POMT2: variants seen among roughly 807,000 people sequenced by gnomAD.
POMT2 encodes protein O-mannosyl-transferase 2.
Under a neutral mutation model 100.0 loss-of-function variants are expected in POMT2, and 75 were observed. The observed-to-expected ratio is 0.75, with a 90% confidence interval of 0.62 to 0.91. The LOEUF (loss-of-function observed/expected upper bound fraction) is 0.91. POMT2 is among the 40% of genes least tolerant of loss of function. The pLI, the probability that POMT2 is intolerant of heterozygous loss-of-function variation, is 0.00. For synonymous variants in POMT2, 378 were observed against 374.1 expected (o/e 1.01, Z -0.12); for missense variants, 940 against 955.1 (o/e 0.98, Z 0.21).
chr14:77,278,853 C>T lies in POMT2; in HGVS notation c.1908G>A (p.Leu636=). ...PAEVAGLSQV[L]LRGGGQVLLG... ...GCAGGACCTGGCCGCCTCCTCGAAG[C>T]AGGACCTGGGACAACCCTGGGCCCA... The change falls in exon 19 of 21, where the codon CTG becomes CTA. Residue 636 remains leucine, a synonymous_variant. Coordinates refer to ENST00000261534, the MANE Select transcript of POMT2 (RefSeq NM_013382.7). 1 of 1,613,290 alleles carries T rather than the reference C, an allele frequency of 6.2e-7. No homozygotes were observed. The highest frequency in any genetic ancestry group is 8.5e-7 in the Non-Finnish European group (1 of 1,179,788).
In POMT2 at chr14:77,311,988, G is replaced by C; in HGVS notation, c.294C>G (p.Asn98Lys). The C allele has an allele frequency of 6.2e-7, 1 of 1,614,048 alleles. No individual in the cohort carries two copies. The highest frequency in any genetic ancestry group is 8.5e-7 in the Non-Finnish European group (1 of 1,179,998). ...HFGKMGSYYINRTFFFDVHPP... is the reference protein window; with the variant it reads ...HFGKMGSYYIKRTFFFDVHPP... The stretch of plus-strand genomic sequence containing the variant: ...GGTGCACATCAAAGAAAAATGTACG[G>C]TTGATATAGTAACTTCCCATTTTTC... Residue 98 changes from asparagine (N) to lysine (K), a missense_variant, in exon 2 of 21, where the codon AAC becomes AAG. By Grantham distance (94) the Asn-to-Lys change is moderately conservative. Coordinates refer to ENST00000261534, the MANE Select transcript of POMT2 (RefSeq NM_013382.7).
intron 1 of POMT2, among the ~76,000 whole-genome samples, chr14:77,313,233 C>G (rs1353530110): frequency 6.6e-6 from 1 of 152,224 alleles, no homozygotes. Context: ...CATGCTTTAC[C>G]TAAGAATCTA....
chr14:77,302,789 T>C (rs762251607), intron 5 of POMT2, 46 bp downstream of exon 5: 3 of 1,529,414 alleles, frequency 2.0e-6, no homozygotes, highest in Non-Finnish European at 2.7e-6. Flanking sequence ...AATTTTGGAG[T>C]TGCCACAGCT....
chr14:77,295,726 G>A (rs536594084), intron 9 of POMT2, among the ~76,000 whole-genome samples: 5 of 151,540 alleles, frequency 3.3e-5, no homozygotes, highest in South Asian at 2.1e-4. Context: ...TTCACACCCC[G>A]ATCATCTAGT....
intron 2 of POMT2, among the ~76,000 whole-genome samples, chr14:77,308,034 GT>G (rs922566760): frequency 3.0e-4 from 46 of 151,292 alleles, no homozygotes; most frequent in African/African-American, 1.1e-3. Flanking sequence ...GCTAATTTTT[GT>G]ATTTTTAGTA....
At chr14:77,286,263 T>C (rs747399778) in intron 12 of POMT2, among the ~76,000 whole-genome samples, 7 of 152,224 alleles carry the variant, frequency 4.6e-5, no homozygotes, top group East Asian at 1.9e-4. Flanking sequence ...TAAGTACTCA[T>C]AGAGCTTTTA....
At chr14:77,289,156 C>G (rs974795758) in intron 10 of POMT2, among the ~76,000 whole-genome samples, 6 of 151,796 alleles carry the variant, frequency 4.0e-5, no homozygotes, top group Admixed American at 2.6e-4. Context: ...TTTGGGAGAC[C>G]GAGGCGGGCA....
chr14:77,312,385 C>T (rs1332437673), intron 1 of POMT2: 2 of 244,188 alleles, frequency 8.2e-6, no homozygotes, highest in Non-Finnish European at 1.6e-5. Flanking sequence ...TTCTTCTGGC[C>T]GGGTACGGTG....
In POMT2 at chr14:77,283,865, T is replaced by C. The variant is rs772296094; in HGVS notation, c.1585A>G (p.Ile529Val). The C allele has an allele frequency of 6.2e-7, 1 of 1,611,476 alleles. No individual in the cohort carries two copies. The highest frequency in any genetic ancestry group is 1.1e-5 in the South Asian group (1 of 91,044). ...CTGGGCTGTAGCACATCCAGGCTGA[T>C]GTTTGGCACTAGGGGAAAAAAATGC... Reference protein sequence around the residue: ...EDHINPKLPNISLDVLQPSFP... With the variant: ...EDHINPKLPNVSLDVLQPSFP... The change falls in exon 15 of 21, where the codon ATC becomes GTC. Residue 529 changes from isoleucine to valine, a missense_variant. Ile to Val is a conservative substitution (Grantham distance 29). Transcript: ENST00000261534.
At chr14:77,288,491 T>A (rs1890520283) in intron 11 of POMT2, among the ~76,000 whole-genome samples, 1 of 151,964 alleles carries the variant, frequency 6.6e-6, no homozygotes, top group Non-Finnish European at 1.5e-5. Flanking sequence ...GGTAACATAG[T>A]GAGACTCTGT....
chr14:77,300,724 G>A (rs1043255935), intron 6 of POMT2: 23 of 282,764 alleles, frequency 8.1e-5, no homozygotes, highest in African/African-American at 4.7e-4. Flanking sequence ...GGAGGCTGAG[G>A]CAAAAGAATC....
intron 2 of POMT2, 47 bp downstream of exon 2, chr14:77,311,902 G>A (rs1188577261): frequency 1.2e-6 from 2 of 1,609,972 alleles, no homozygotes; most frequent in African/African-American, 1.3e-5. Flanking sequence ...CAGCCCTTAG[G>A]AACAATCCTC....
intron 3 of POMT2, among the ~76,000 whole-genome samples, chr14:77,305,982 C>T (rs942650211): frequency 3.3e-5 from 5 of 152,198 alleles, no homozygotes; most frequent in African/African-American, 1.2e-4. Context: ...GAGCAGGCAG[C>T]GTGCCAGTGC....
At chr14:77,282,781 G>A (rs368487339) in intron 15 of POMT2, among the ~76,000 whole-genome samples, 8 of 152,200 alleles carry the variant, frequency 5.3e-5, no homozygotes, top group Non-Finnish European at 1.0e-4. Context: ...TATGTACTGA[G>A]TACTGCTTAC....
chr14:77,302,839 C>A lies in POMT2; in HGVS notation c.652G>T (p.Asp218Tyr), dbSNP rs140785104. 1 of 1,610,286 alleles carries A rather than the reference C, an allele frequency of 6.2e-7. No individual in the cohort carries two copies. The highest frequency in any genetic ancestry group is 2.2e-5 in the East Asian group (1 of 44,856). ...CCCGGGGATGGAGTTTCTGACCTGT[C>A]GGCGCAAGAGTTGTACTTGACCATG... ...LSMVKYNSCA[D>Y]RPFSAPWWFW... is the part of the protein sequence containing the mutation. Residue 218 changes from aspartate to tyrosine, a missense_variant, in exon 5 of 21, where the codon GAC (aspartate) becomes TAC (tyrosine). Transcript: ENST00000261534.
intron 12 of POMT2, 57 bp from the exon 13 acceptor site, chr14:77,285,689 G>A (rs572434683): frequency 1.7e-5 from 26 of 1,566,006 alleles, no homozygotes; most frequent in East Asian, 1.3e-4. Context: ...TAGAGAAAAC[G>A]TGTCAGAAAG....
In POMT2 at chr14:77,285,735, G is replaced by A. The variant is rs193142719; in HGVS notation, c.1333-103C>T. 14 of 1,350,630 alleles carry A rather than the reference G, an allele frequency of 1.0e-5. No individual in the cohort carries two copies. In the Middle Eastern group the frequency reaches 5.4e-4, roughly 52 times the overall value. The allele number at this position is 1,350,630 out of a possible 1,614,324, so 83.7% of individuals were successfully genotyped here. A position where few individuals can be genotyped will look rare whatever the true frequency, so the allele number is the denominator to read the frequency against. ...ACCCAGATGCCACCATGTTATGAAGGTCAAAGACCAAATTAGGCTCAATGA... is the reference window on the plus strand; with the variant it reads ...ACCCAGATGCCACCATGTTATGAAGATCAAAGACCAAATTAGGCTCAATGA... On this transcript the variant is annotated intron_variant, in intron 12 of 20. Coordinates refer to ENST00000261534, the MANE Select transcript of POMT2 (RefSeq NM_013382.7).
chr14:77,291,867 T>A (rs1890653793), intron 9 of POMT2, among the ~76,000 whole-genome samples: 1 of 152,082 alleles, frequency 6.6e-6, no homozygotes, highest in Non-Finnish European at 1.5e-5. Flanking sequence ...ACCCCGTCTT[T>A]ACTAAAAATA....
At chr14:77,305,316 T>A (rs1438179875) in intron 3 of POMT2, among the ~76,000 whole-genome samples, 2 of 152,348 alleles carry the variant, frequency 1.3e-5, no homozygotes, top group Admixed American at 1.3e-4. Flanking sequence ...GAAAAGGGAT[T>A]GCTTGATACT....
Sources: allele counts gnomAD v4.1 joint callset (sites outside exome capture counted in the v4.1 genomes callset), GRCh38; gene constraint gnomAD v4.1.1; transcripts MANE v1.5; gene names NCBI Gene and HGNC (gene_info 2026-07-23, HGNC 2026-07-21).